The following PHACTR1 variants were observed in gnomAD, a reference collection of about 807,000 sequenced individuals.
PHACTR1 encodes the protein phosphatase and actin regulator 1, also known as RPEL repeat containing 1.
A neutral mutation model predicts 69.2 loss-of-function variants in PHACTR1; 16 were observed. The observed-to-expected ratio is 0.23, with a 90% CI of 0.16 to 0.35. The LOEUF is 0.35. Ranked by LOEUF, PHACTR1 falls within the 10% of genes least tolerant of loss-of-function variation. The probability of loss-of-function intolerance (pLI) is 1.00; values close to 1 mark genes in which losing one functional copy is unlikely to be tolerated. For synonymous variants in PHACTR1, 312 were observed against 284.5 expected (o/e 1.10, Z -0.97); for missense variants, 510 against 734.7 (o/e 0.69, Z 3.54).
chr6:12,753,269 A>G (rs1766844796), intron 4 of PHACTR1, among the ~76,000 whole-genome samples: 1 of 152,244 alleles, frequency 6.6e-6, no homozygotes, highest in African/African-American at 2.4e-5. Context: ...CAGTCAGTGC[A>G]ATGAAGAGTT....
At chr6:13,251,770 T>TTTATTATA (rs879424231) in intron 10 of PHACTR1, among the ~76,000 whole-genome samples, 9,352 of 152,000 alleles carry the variant, frequency 0.062, 526 homozygotes, top group African/African-American at 0.15. Context: ...AGCTGAAGAA[T>TTTATTATA]TAGTGAAAAA....
At chr6:12,917,493 C>CTA (rs1787142405) in intron 4 of PHACTR1, among the ~76,000 whole-genome samples, 1 of 152,156 alleles carries the variant, frequency 6.6e-6, no homozygotes, top group Non-Finnish European at 1.5e-5. Context: ...TGGCTCACAC[C>CTA]TATAATCCCA....
At chr6:12,910,283 T>G (rs1399712885) in intron 4 of PHACTR1, among the ~76,000 whole-genome samples, 1 of 152,156 alleles carries the variant, frequency 6.6e-6, no homozygotes, top group Non-Finnish European at 1.5e-5. Flanking sequence ...CCACTGAAAC[T>G]CTAATAATGG....
chr6:12,826,397 A>G (rs920451466), intron 4 of PHACTR1, among the ~76,000 whole-genome samples: 4 of 152,188 alleles, frequency 2.6e-5, no homozygotes, highest in African/African-American at 9.7e-5. Flanking sequence ...TTGGCTAGGA[A>G]AATTTAAAAA....
In PHACTR1 at chr6:13,120,867, C is replaced by T. The variant is rs561598577; in HGVS notation, c.416-39337C>T. Among the ~76,000 whole-genome samples, 8 of 152,278 alleles carry T rather than the reference C, an allele frequency of 5.3e-5. No homozygotes were observed. The South Asian group carries it at 6.2e-4, about 12-fold the overall frequency. On this transcript the variant is annotated intron_variant, in intron 5 of 14. Coordinates refer to ENST00000332995, the MANE Select transcript of PHACTR1 (RefSeq NM_030948.6). ...AACTTTTACCCAGCATTGCAGTGTG[C>T]GATGCCTCTGTATGTCTTCACATTT... is the stretch of plus-strand genomic sequence containing the variant.
chr6:13,068,053 A>G (rs1808928685), intron 5 of PHACTR1, among the ~76,000 whole-genome samples: 1 of 152,308 alleles, frequency 6.6e-6, no homozygotes, highest in Non-Finnish European at 1.5e-5. Flanking sequence ...ACGGTGGCTC[A>G]CGCCTATAAT....
chr6:13,060,528 G>C (rs946157846), intron 5 of PHACTR1, among the ~76,000 whole-genome samples: 1 of 152,112 alleles, frequency 6.6e-6, no homozygotes, highest in South Asian at 2.1e-4. Flanking sequence ...ATAGGGGAAG[G>C]GTGCTGAGAA....
chr6:12,749,819 GC>G (rs1297576784), intron 4 of PHACTR1, 29 bp downstream of exon 4: 2 of 1,445,896 alleles, frequency 1.4e-6, no homozygotes, highest in South Asian at 1.2e-5. Flanking sequence ...CCGCGCCCCC[GC>G]CCCCGCCCTG....
intron 4 of PHACTR1, among the ~76,000 whole-genome samples, chr6:12,827,034 T>A (rs1158393343): frequency 6.6e-6 from 1 of 152,238 alleles, no homozygotes; most frequent in Non-Finnish European, 1.5e-5. Context: ...CCACTTTCCC[T>A]CACTCGTTAT....
chr6:13,271,286 A>G (rs1046163008), intron 10 of PHACTR1, among the ~76,000 whole-genome samples: 1 of 152,196 alleles, frequency 6.6e-6, no homozygotes, highest in Non-Finnish European at 1.5e-5. Flanking sequence ...CTCCCCATCC[A>G]AGCACCTTGC....
chr6:12,774,745 A>G (rs1245618922), intron 4 of PHACTR1, among the ~76,000 whole-genome samples: 4 of 152,202 alleles, frequency 2.6e-5, no homozygotes, highest in Admixed American at 1.3e-4. Flanking sequence ...GGCTTTAAGT[A>G]TCTGTAGGAT....
intron 4 of PHACTR1, among the ~76,000 whole-genome samples, chr6:12,894,982 A>G (rs1784513104): frequency 6.6e-6 from 1 of 152,138 alleles, no homozygotes; most frequent in Admixed American, 6.5e-5. Flanking sequence ...CTTGTTCACT[A>G]CTATATCCCT....
intron 6 of PHACTR1, among the ~76,000 whole-genome samples, chr6:13,182,269 A>G (rs1150609): frequency 0.16 from 23,604 of 152,222 alleles, 1,902 homozygotes; most frequent in East Asian, 0.23. Context: ...AGAAAACGTG[A>G]TGGATTCGGG....
chr6:13,035,181 G>T (rs143513879), intron 4 of PHACTR1, among the ~76,000 whole-genome samples: 7 of 152,260 alleles, frequency 4.6e-5, no homozygotes, highest in Non-Finnish European at 1.0e-4. Context: ...ATTAATCATA[G>T]ATATGTCTTA....
At chr6:12,976,310 G>A (rs1794873605) in intron 4 of PHACTR1, among the ~76,000 whole-genome samples, 1 of 152,218 alleles carries the variant, frequency 6.6e-6, no homozygotes, top group African/African-American at 2.4e-5. Flanking sequence ...GGTAAAACGT[G>A]AGTCTTTGGG....
intron 4 of PHACTR1, among the ~76,000 whole-genome samples, chr6:12,887,703 C>T (rs571665251): frequency 6.6e-6 from 1 of 152,258 alleles, no homozygotes; most frequent in Admixed American, 6.5e-5. Context: ...ACAACACTAT[C>T]TCTAATCTCA....
chr6:13,240,136 C>T (rs1772620410), intron 10 of PHACTR1, among the ~76,000 whole-genome samples: 2 of 151,464 alleles, frequency 1.3e-5, no homozygotes, highest in African/African-American at 2.4e-5. Context: ...ACTGATTATT[C>T]CAGCAGCATT....
At chr6:12,724,684 T>G (rs1031780140) in intron 3 of PHACTR1, among the ~76,000 whole-genome samples, 4 of 152,084 alleles carry the variant, frequency 2.6e-5, no homozygotes, top group Admixed American at 6.6e-5. Context: ...AAACCACACT[T>G]CCAGGGATGG....
At chr6:13,153,984 A>T (rs1283873890) in intron 5 of PHACTR1, among the ~76,000 whole-genome samples, 2 of 151,956 alleles carry the variant, frequency 1.3e-5, no homozygotes. Context: ...TAACAACTTT[A>T]TTGAGGTATA....
Sources: allele counts gnomAD v4.1 joint callset (sites outside exome capture counted in the v4.1 genomes callset), GRCh38; gene constraint gnomAD v4.1.1; transcripts MANE v1.5; gene names NCBI Gene and HGNC (gene_info 2026-07-23, HGNC 2026-07-21).